PDE4D: variants seen among roughly 807,000 people sequenced by gnomAD.
PDE4D encodes the protein phosphodiesterase 4D.
In PDE4D, 24 loss-of-function variants were observed where a neutral mutation model predicts 87.4. That is an observed-to-expected ratio of 0.27 (90% CI 0.20 to 0.39). The LOEUF is 0.39. Among genes scored for constraint, PDE4D ranks in the 10% least tolerant of loss-of-function variants. PDE4D has a pLI of 1.00. For synonymous variants in PDE4D, 384 were observed against 383.2 expected, an observed-to-expected ratio of 1.00 and a Z score of -0.02; for missense variants, 714 against 1,041.0, an observed-to-expected ratio of 0.69 and a Z score of 4.32.
chr5:59,357,301 A>T (rs542044030), intron 1 of PDE4D, among the ~76,000 whole-genome samples: 3 of 152,340 alleles, frequency 2.0e-5, no homozygotes, highest in East Asian at 3.9e-4. Context: ...AAAAAATTTT[A>T]AAAAATACAT....
chr5:60,416,609 C>G (rs142666223), intron 1 of PDE4D, among the ~76,000 whole-genome samples: 37 of 152,300 alleles, frequency 2.4e-4, no homozygotes, highest in Non-Finnish European at 4.0e-4. Context: ...CCGAACACAT[C>G]CGAACATCAG....
chr5:59,051,108 A>G (rs559955836), intron 5 of PDE4D, among the ~76,000 whole-genome samples: 75 of 152,364 alleles, frequency 4.9e-4, no homozygotes, highest in African/African-American at 1.8e-3. Context: ...ACAGTGGCTT[A>G]CGCCTGTAAT....
chr5:60,223,614 A>T (rs1197793896), intron 1 of PDE4D, among the ~76,000 whole-genome samples: 4 of 152,092 alleles, frequency 2.6e-5, no homozygotes, highest in African/African-American at 7.2e-5. Context: ...AGCAGACACA[A>T]TGGTTCTGAT....
intron 1 of PDE4D, among the ~76,000 whole-genome samples, chr5:59,659,395 G>C (rs1194532229): frequency 6.6e-6 from 1 of 152,218 alleles, no homozygotes; most frequent in Non-Finnish European, 1.5e-5. Flanking sequence ...TAGGAACTGA[G>C]TGTTAGTAAA....
In PDE4D at chr5:59,424,826, A is replaced by G. The variant is rs1241602987; in HGVS notation, c.456-208858T>C. Among the ~76,000 whole-genome samples the G allele has an allele frequency of 2.0e-5, 3 of 152,326 alleles. No homozygotes were observed. The East Asian group carries it at 5.8e-4, about 29-fold the overall frequency. ...ATGATGAAAACACACAAGTAGTCACACATTCACAATCGATGGGTCCATGCA... is the reference window on the plus strand; with the variant it reads ...ATGATGAAAACACACAAGTAGTCACGCATTCACAATCGATGGGTCCATGCA... On this transcript the variant is annotated intron_variant, in intron 1 of 14. Coordinates refer to ENST00000340635, the MANE Select transcript of PDE4D (RefSeq NM_001104631.2).
At chr5:59,232,372 AC>A (rs1204768213) in intron 1 of PDE4D, among the ~76,000 whole-genome samples, 3 of 152,156 alleles carry the variant, frequency 2.0e-5, no homozygotes, top group African/African-American at 7.2e-5. Context: ...TGGACAAAGG[AC>A]ATGAAGACAT....
chr5:59,557,443 G>A (rs370699977), intron 1 of PDE4D, among the ~76,000 whole-genome samples: 3 of 151,894 alleles, frequency 2.0e-5, no homozygotes, highest in Middle Eastern at 3.5e-3. Context: ...CACCCCTGCC[G>A]CCATTGCCGA....
intron 1 of PDE4D, among the ~76,000 whole-genome samples, chr5:59,233,346 C>T (rs10058823): frequency 0.12 from 18,283 of 152,134 alleles, 1,145 homozygotes; most frequent in Non-Finnish European, 0.13. Context: ...TTAGGCTTGC[C>T]TTATTCAAAA....
At chr5:59,190,429 A>G (rs1581272136) in intron 3 of PDE4D, among the ~76,000 whole-genome samples, 1 of 152,182 alleles carries the variant, frequency 6.6e-6, no homozygotes, top group Middle Eastern at 3.4e-3. Context: ...TTAGTGTGAA[A>G]TTCCAATTTT....
At chr5:59,123,284 T>G (rs879429432) in intron 5 of PDE4D, among the ~76,000 whole-genome samples, 2 of 152,204 alleles carry the variant, frequency 1.3e-5, no homozygotes, top group Admixed American at 1.3e-4. Context: ...CCATGAGCAA[T>G]AGTGTATTTG....
At chr5:60,327,319 C>T (rs187496996) in intron 1 of PDE4D, among the ~76,000 whole-genome samples, 1 of 152,170 alleles carries the variant, frequency 6.6e-6, no homozygotes. Flanking sequence ...AATATTTTAA[C>T]AAGGTCTGTG....
intron 1 of PDE4D, among the ~76,000 whole-genome samples, chr5:59,817,957 G>A (rs2152685424): frequency 6.6e-6 from 1 of 152,296 alleles, no homozygotes; most frequent in East Asian, 1.9e-4. Flanking sequence ...CTGTCAGGTA[G>A]CCCTAAGTGT....
chr5:60,201,346 T>C (rs1741883090), intron 1 of PDE4D, among the ~76,000 whole-genome samples: 1 of 151,844 alleles, frequency 6.6e-6, no homozygotes, highest in South Asian at 2.1e-4. Context: ...AAACTAGGCA[T>C]GAAGAAGCTT....
At chr5:59,297,584 T>A (rs1211359900) in intron 1 of PDE4D, among the ~76,000 whole-genome samples, 3 of 152,110 alleles carry the variant, frequency 2.0e-5, no homozygotes, top group African/African-American at 7.2e-5. Flanking sequence ...AACTATAGAT[T>A]CTTACCTACT....
chr5:59,228,944 T>C (rs1754491136), intron 1 of PDE4D, among the ~76,000 whole-genome samples: 1 of 152,074 alleles, frequency 6.6e-6, no homozygotes, highest in African/African-American at 2.4e-5. Flanking sequence ...GTTACCTTCA[T>C]GAGATATTCC....
intron 2 of PDE4D, among the ~76,000 whole-genome samples, chr5:59,990,457 G>A (rs1762891480): frequency 1.3e-5 from 2 of 152,014 alleles, no homozygotes; most frequent in African/African-American, 4.8e-5. Flanking sequence ...GATGTGAGAT[G>A]GTGGACTCTA....
chr5:60,352,955 A>G (rs1351055598), intron 1 of PDE4D, among the ~76,000 whole-genome samples: 2 of 152,236 alleles, frequency 1.3e-5, no homozygotes, highest in African/African-American at 4.8e-5. Context: ...ATGTGTTCCA[A>G]TGGGATATTG....
intron 1 of PDE4D, among the ~76,000 whole-genome samples, chr5:59,573,284 T>C (rs1822189675): frequency 1.3e-5 from 2 of 152,204 alleles, no homozygotes; most frequent in African/African-American, 2.4e-5. Flanking sequence ...GCTGGGCTCA[T>C]TGACCTGCTT....
intron 1 of PDE4D, among the ~76,000 whole-genome samples, chr5:59,273,991 C>A (rs1764335400): frequency 6.6e-6 from 1 of 152,072 alleles, no homozygotes; most frequent in Admixed American, 6.6e-5. Context: ...GTAGTAACAT[C>A]TTTTCACATA....
Sources: allele counts gnomAD v4.1 joint callset (sites outside exome capture counted in the v4.1 genomes callset), GRCh38; gene constraint gnomAD v4.1.1; transcripts MANE v1.5; gene names NCBI Gene and HGNC (gene_info 2026-07-23, HGNC 2026-07-21).